EBLN1: variants seen among roughly 807,000 people sequenced by gnomAD.
EBLN1 encodes the protein endogenous Bornavirus like nucleoprotein 1, also known as endogenous Bornavirus-like nucleoprotein 1.
EBLN1 carries 1 observed loss-of-function variant against 0.8 expected under a neutral mutation model. The observed-to-expected ratio is 1.32, with a 90% CI of 0.47 to 6.26. The LOEUF is 6.26. EBLN1 is among the 30% of genes most tolerant of loss of function. EBLN1 has a pLI of 0.15. For missense variants in EBLN1, 396 were observed against 447.9 expected, an observed-to-expected ratio of 0.88 and a Z score of 1.05; for synonymous variants, 158 against 158.5, an observed-to-expected ratio of 1.00 and a Z score of 0.02.
chr10:22,216,258 T>A (rs1024325000), intron 1 of EBLN1, among the ~76,000 whole-genome samples: 1 of 151,904 alleles, frequency 6.6e-6, no homozygotes, highest in African/African-American at 2.4e-5. Context: ...TACAAACACA[T>A]TGCAAAACAA....
At chr10:22,216,505 T>C (rs984091993) in intron 1 of EBLN1, among the ~76,000 whole-genome samples, 2 of 152,168 alleles carry the variant, frequency 1.3e-5, no homozygotes, top group East Asian at 1.9e-4. Context: ...GCTACTTGCA[T>C]CAAAATGAGA....
chr10:22,208,895 C>T lies in EBLN1; in HGVS notation c.1089G>A (p.Ser363=), dbSNP rs527908068. Residue 363 remains serine, a synonymous_variant, in exon 3 of 3, where the codon TCG becomes TCA. Coordinates refer to ENST00000422359, the MANE Select transcript of EBLN1 (RefSeq NM_001394757.1). Reference sequence around the variant, plus strand: ...GTTCACGTATTTGTTATTCAAATCCCGAAATCCCATAACCGCGAAGGATGT... The same window carrying T: ...GTTCACGTATTTGTTATTCAAATCCTGAAATCCCATAACCGCGAAGGATGT... ...TLNILRGYGI[S]GFE 4.9e-4 allele frequency: 740 copies of T among 1,521,912 alleles called. 2 individuals are homozygous for T. The highest frequency in any genetic ancestry group is 8.5e-4 in the Middle Eastern group (5 of 5,872). 94.3% of individuals were successfully genotyped at this position (1,521,912 alleles called of 1,614,324 possible).
At chr10:22,214,945 T>C (rs975176493) in intron 1 of EBLN1, among the ~76,000 whole-genome samples, 10 of 152,200 alleles carry the variant, frequency 6.6e-5, no homozygotes, top group African/African-American at 1.7e-4. Flanking sequence ...TACAACAAAA[T>C]GTTATTAGAC....
chr10:22,209,484 G>A lies in EBLN1; in HGVS notation c.500C>T (p.Ala167Val). Residue 167 changes from alanine to valine, a missense_variant, in exon 3 of 3, where the codon GCA (alanine) becomes GTA (valine). Physicochemically the swap from Ala to Val is moderately conservative, Grantham distance 64. Coordinates refer to ENST00000422359, the MANE Select transcript of EBLN1 (RefSeq NM_001394757.1). Reference protein sequence around the residue: ...NSLQVQRQFKAMMISIGRPLH... With the variant: ...NSLQVQRQFKVMMISIGRPLH... ...AGGTCTTCCAATGGATATCATCATT[G>A]CCTTGAATTGTCTCTGTACTTGGAG... The A allele has an allele frequency of 6.3e-7, 1 of 1,594,792 alleles. No individual in the cohort carries two copies. The highest frequency in any genetic ancestry group is 8.5e-7 in the Non-Finnish European group (1 of 1,177,956).
chr10:22,212,511 G>T (rs558658641), intron 2 of EBLN1, among the ~76,000 whole-genome samples: 44 of 152,098 alleles, frequency 2.9e-4, no homozygotes, highest in Middle Eastern at 3.4e-3. Flanking sequence ...CTTATGTTCA[G>T]GACTATTTCA....
intron 2 of EBLN1, among the ~76,000 whole-genome samples, chr10:22,211,679 G>T (rs1328902067): frequency 6.6e-6 from 1 of 151,990 alleles, no homozygotes; most frequent in Non-Finnish European, 1.5e-5. Flanking sequence ...TTTTTGTAGA[G>T]ATAGAGTTTC....
chr10:22,209,714 G>A lies in EBLN1; in HGVS notation c.270C>T (p.His90=). The A allele has an allele frequency of 6.5e-7, 1 of 1,535,860 alleles. No homozygotes were observed. The highest frequency in any genetic ancestry group is 1.7e-4 in the Middle Eastern group (1 of 5,990). Residue 90 remains histidine (H), a synonymous_variant, in exon 3 of 3, where the codon CAC becomes CAT. Coordinates refer to ENST00000422359, the MANE Select transcript of EBLN1 (RefSeq NM_001394757.1). ...VFLCFIFDGL[H]KALLSVGVSK... is the part of the protein sequence containing the mutation. ...TCACACCGACACTGAGTAGTGCCTT[G>A]TGTAATCCATCGAATATAAAACACA...
chr10:22,215,917 T>G (rs1488097142), intron 1 of EBLN1, among the ~76,000 whole-genome samples: 1 of 152,076 alleles, frequency 6.6e-6, no homozygotes, highest in Non-Finnish European at 1.5e-5. Context: ...TATTACAAGA[T>G]ATCAAGAGAA....
chr10:22,217,133 T>A (rs555889185), intron 1 of EBLN1, among the ~76,000 whole-genome samples: 34 of 152,226 alleles, frequency 2.2e-4, no homozygotes, highest in East Asian at 7.7e-4. Flanking sequence ...ATATATATAT[T>A]TTTTTGTTTT....
At chr10:22,212,198 A>C (rs1834760575) in intron 2 of EBLN1, among the ~76,000 whole-genome samples, 1 of 152,198 alleles carries the variant, frequency 6.6e-6, no homozygotes, top group Non-Finnish European at 1.5e-5. Flanking sequence ...GTTTTCCAAA[A>C]TATGTATCAA....
Position 22,209,440 on chromosome 10 carries a change from C to T in EBLN1, c.544G>A (p.Asp182Asn). 6.3e-7 allele frequency: 1 copy of T among 1,599,664 alleles called. No homozygotes were observed. Among genetic ancestry groups the T allele is most frequent in the South Asian group, 1.1e-5 (1 of 91,034 alleles). Residue 182 changes from aspartate to asparagine, a missense_variant, in exon 3 of 3, where the codon GAT becomes AAT. Physicochemically the swap from Asp to Asn is conservative, Grantham distance 23. Coordinates refer to ENST00000422359, the MANE Select transcript of EBLN1 (RefSeq NM_001394757.1). ...CCTGCATTATAGCTAATTAATAAAT[C>T]AGCACTTTCACTATGCAAAGGTCTT... ...IGRPLHSESA[D>N]LLISYNAGPA...
intron 2 of EBLN1, among the ~76,000 whole-genome samples, chr10:22,210,586 G>A (rs1834743024): frequency 6.6e-6 from 1 of 152,172 alleles, no homozygotes; most frequent in Non-Finnish European, 1.5e-5. Flanking sequence ...TCACACAGAA[G>A]GGCTGCTGAC....
At chr10:22,213,848 A>G (rs1159459393) in intron 1 of EBLN1, among the ~76,000 whole-genome samples, 5 of 152,226 alleles carry the variant, frequency 3.3e-5, no homozygotes, top group Non-Finnish European at 5.9e-5. Flanking sequence ...GAAAAAAATG[A>G]GAGTCACTAA....
At position 22,208,923 on chromosome 10, in the gene EBLN1, A is replaced by C; in HGVS notation, c.1061T>G (p.Leu354Arg). The C allele has an allele frequency of 6.5e-7, 1 of 1,535,242 alleles. No homozygotes were observed. Among genetic ancestry groups the C allele is most frequent in the Non-Finnish European group, 8.7e-7 (1 of 1,146,718 alleles). Residue 354 changes from leucine to arginine, a missense_variant, in exon 3 of 3, where the codon CTT becomes CGT. Transcript: ENST00000422359. ...AATCCCATAACCGCGAAGGATGTTAAGTGTATATGGATCCATGTCACTTCC... is the reference window on the plus strand; with the variant it reads ...AATCCCATAACCGCGAAGGATGTTACGTGTATATGGATCCATGTCACTTCC... ...SRGSDMDPYT[L>R]NILRGYGISG...
intron 2 of EBLN1, 111 bp from the exon 3 acceptor site, chr10:22,210,138 T>G: frequency 9.8e-7 from 1 of 1,020,636 alleles, no homozygotes; most frequent in Non-Finnish European, 1.3e-6. Flanking sequence ...TATTCAGTTT[T>G]TTAGTCTAGT....
chr10:22,215,523 TA>T (rs1487234044), intron 1 of EBLN1, among the ~76,000 whole-genome samples: 68 of 152,228 alleles, frequency 4.5e-4, no homozygotes, highest in African/African-American at 1.6e-3. Context: ...TTTCTCAAAA[TA>T]ACTAGAAAAT....
intron 1 of EBLN1, among the ~76,000 whole-genome samples, chr10:22,216,097 T>C (rs1588586243): frequency 6.6e-6 from 1 of 152,044 alleles, no homozygotes; most frequent in South Asian, 2.1e-4. Flanking sequence ...GTGTGGTTTA[T>C]ACCATAATGA....
In EBLN1 at chr10:22,209,424, T is replaced by G; in HGVS notation, c.560A>C (p.Tyr187Ser). ...HSESADLLIS[Y>S]NAGPAIDWIN... Reference sequence around the variant, plus strand: ...CCAATCTATAGCTGGCCCTGCATTATAGCTAATTAATAAATCAGCACTTTC... The same window carrying G: ...CCAATCTATAGCTGGCCCTGCATTAGAGCTAATTAATAAATCAGCACTTTC... The change falls in exon 3 of 3, where the codon TAT becomes TCT. Residue 187 changes from tyrosine (Y) to serine (S), a missense_variant. Transcript: ENST00000422359. 1 of 1,601,882 alleles carries G rather than the reference T, an allele frequency of 6.2e-7. No individual in the cohort carries two copies. The highest frequency in any genetic ancestry group is 8.5e-7 in the Non-Finnish European group (1 of 1,179,822).
At chr10:22,210,304 C>G (rs1339911892) in intron 2 of EBLN1, among the ~76,000 whole-genome samples, 2 of 152,218 alleles carry the variant, frequency 1.3e-5, no homozygotes, top group Admixed American at 1.3e-4. Flanking sequence ...ATTTCGAGCA[C>G]AAAATTTAAG....
Sources: allele counts gnomAD v4.1 joint callset (sites outside exome capture counted in the v4.1 genomes callset), GRCh38; gene constraint gnomAD v4.1.1; transcripts MANE v1.5; gene names NCBI Gene and HGNC (gene_info 2026-07-23, HGNC 2026-07-21).